PIBF1: variants seen among roughly 807,000 people sequenced by gnomAD.
PIBF1 encodes the protein progesterone immunomodulatory binding factor 1, also known as progesterone-induced-blocking factor 1.
A neutral mutation model predicts 112.5 loss-of-function variants in PIBF1; 90 were observed. That is an observed-to-expected ratio of 0.80 (90% CI 0.67 to 0.95). PIBF1 has a LOEUF of 0.95. Among genes scored for constraint, PIBF1 ranks in the 40% least tolerant of loss-of-function variants. PIBF1 has a pLI of 0.00. For synonymous variants in PIBF1, 301 were observed against 288.6 expected (o/e 1.04, Z -0.44); for missense variants, 915 against 852.3 (o/e 1.07, Z -0.92).
intron 1 of PIBF1, among the ~76,000 whole-genome samples, chr13:72,782,748 A>T (rs544840747): frequency 1.4e-4 from 21 of 152,108 alleles, no homozygotes; most frequent in African/African-American, 4.8e-4. Context: ...TCATTCTGCT[A>T]TCTATAAAAA....
At chr13:72,790,419 C>T (rs926509438) in intron 2 of PIBF1, among the ~76,000 whole-genome samples, 3 of 64,994 alleles carry the variant, frequency 4.6e-5, no homozygotes, top group African/African-American at 1.1e-4. Flanking sequence ...AGGAGGAGTC[C>T]ATCACACACA....
Position 72,997,591 on chromosome 13 carries a change from A to G in PIBF1, c.2050-1231A>G, listed in dbSNP as rs2043720417. 2.0e-5 allele frequency among the ~76,000 whole-genome samples: 3 copies of G among 152,198 alleles called. 1 individual carries two copies. The highest frequency in any genetic ancestry group is 4.1e-4 in the South Asian group (2 of 4,830). Reference sequence around the variant, plus strand: ...GCTTTAAAATACTCACTCAAGTTAGATGGTTCTAAATAGAACTAATGACAG... The same window carrying G: ...GCTTTAAAATACTCACTCAAGTTAGGTGGTTCTAAATAGAACTAATGACAG... On this transcript the variant is annotated intron_variant, in intron 16 of 17. Coordinates refer to ENST00000326291, the MANE Select transcript of PIBF1 (RefSeq NM_006346.4).
intron 10 of PIBF1, among the ~76,000 whole-genome samples, chr13:72,880,164 G>T (rs1204220823): frequency 6.6e-6 from 1 of 152,150 alleles, no homozygotes; most frequent in Non-Finnish European, 1.5e-5. Context: ...CATCTCTTTA[G>T]CAGGGTAGGA....
At position 72,980,501 on chromosome 13, in the gene PIBF1, TA is replaced by T. The variant is rs1381189377; in HGVS notation, c.2049+6828del. ...TTAAAAAAGAGTCATTTGGATTTAATAAGATGCTAAAGGGCCGGCACGGTGG... is the reference window on the plus strand; with the variant it reads ...TTAAAAAAGAGTCATTTGGATTTAATAGATGCTAAAGGGCCGGCACGGTGG... On this transcript the variant is annotated intron_variant, in intron 16 of 17. Coordinates refer to ENST00000326291, the MANE Select transcript of PIBF1 (RefSeq NM_006346.4). Among the ~76,000 whole-genome samples, 3 of 152,122 alleles carry T rather than the reference TA, an allele frequency of 2.0e-5. No individual in the cohort carries two copies. In the South Asian group the frequency reaches 6.2e-4, roughly 32 times the overall value.
At chr13:72,978,668 A>G (rs1335776296) in intron 16 of PIBF1, among the ~76,000 whole-genome samples, 1 of 152,114 alleles carries the variant, frequency 6.6e-6, no homozygotes, top group Non-Finnish European at 1.5e-5. Flanking sequence ...CACTTTTGAT[A>G]CCTCAGAATA....
intron 5 of PIBF1, among the ~76,000 whole-genome samples, chr13:72,812,189 G>A (rs1336875381): frequency 1.3e-5 from 2 of 152,096 alleles, no homozygotes; most frequent in Non-Finnish European, 2.9e-5. Context: ...TGATAACTTC[G>A]TTCTCTTGAT....
At chr13:72,973,798 C>T (rs1477951260) in intron 16 of PIBF1, 123 bp downstream of exon 16, 2 of 584,032 alleles carry the variant, frequency 3.4e-6, no homozygotes, top group Non-Finnish European at 6.1e-6. Flanking sequence ...TTATGTCTCA[C>T]TGTAATTTTG....
intron 10 of PIBF1, among the ~76,000 whole-genome samples, chr13:72,879,899 C>T (rs2039552367): frequency 1.3e-5 from 2 of 152,176 alleles, no homozygotes; most frequent in African/African-American, 4.8e-5. Flanking sequence ...CATTTGTTTA[C>T]ATATTGTCTA....
chr13:72,951,167 C>T (rs999497012), intron 14 of PIBF1, among the ~76,000 whole-genome samples: 8 of 152,292 alleles, frequency 5.3e-5, no homozygotes, highest in Middle Eastern at 3.4e-3. Flanking sequence ...TGCACACATG[C>T]GTGTGCCTTT....
intron 5 of PIBF1, among the ~76,000 whole-genome samples, chr13:72,807,747 C>G (rs1328543527): frequency 6.6e-6 from 1 of 152,148 alleles, no homozygotes; most frequent in Admixed American, 6.5e-5. Flanking sequence ...TTTTTAATAA[C>G]TATCAATCAG....
chr13:72,859,560 C>A (rs2038600755), intron 10 of PIBF1, among the ~76,000 whole-genome samples: 1 of 151,996 alleles, frequency 6.6e-6, no homozygotes. Flanking sequence ...AAAACAATAA[C>A]AACAAATTAA....
chr13:72,896,625 T>G (rs2138588021), intron 11 of PIBF1, among the ~76,000 whole-genome samples: 1 of 152,288 alleles, frequency 6.6e-6, no homozygotes, highest in East Asian at 1.9e-4. Context: ...CAGTGAACTT[T>G]GGACATGCTT....
intron 11 of PIBF1, among the ~76,000 whole-genome samples, chr13:72,905,475 A>C (rs1280000771): frequency 6.6e-6 from 1 of 152,206 alleles, no homozygotes; most frequent in Non-Finnish European, 1.5e-5. Context: ...AAAGGGCCTC[A>C]GAAAATAAAG....
At chr13:72,809,528 T>G (rs2035900114) in intron 5 of PIBF1, among the ~76,000 whole-genome samples, 1 of 151,856 alleles carries the variant, frequency 6.6e-6, no homozygotes, top group African/African-American at 2.4e-5. Flanking sequence ...TTAATTTGAC[T>G]CTGCTTTTGT....
At chr13:72,847,399 T>A (rs2037923624) in intron 9 of PIBF1, among the ~76,000 whole-genome samples, 1 of 152,174 alleles carries the variant, frequency 6.6e-6, no homozygotes, top group African/African-American at 2.4e-5. Context: ...CGTACTGGCA[T>A]CTGGCAAGAG....
intron 14 of PIBF1, among the ~76,000 whole-genome samples, chr13:72,932,491 G>A (rs529273373): frequency 6.6e-6 from 1 of 152,266 alleles, no homozygotes; most frequent in East Asian, 1.9e-4. Flanking sequence ...GGTTGACACA[G>A]TGGTGTGTTG....
At chr13:72,815,020 GA>G (rs1422714173) in intron 5 of PIBF1, among the ~76,000 whole-genome samples, 13 of 152,212 alleles carry the variant, frequency 8.5e-5, no homozygotes, top group African/African-American at 3.1e-4. Context: ...CAGGTTCACA[GA>G]TAGATTACTG....
chr13:73,014,108 G>A (rs950746937), intron 17 of PIBF1, among the ~76,000 whole-genome samples: 2 of 147,306 alleles, frequency 1.4e-5, no homozygotes, highest in African/African-American at 5.1e-5. Context: ...CTAGTAGCTG[G>A]GACTACAGGC....
intron 17 of PIBF1, among the ~76,000 whole-genome samples, chr13:73,002,192 A>G (rs2043891984): frequency 6.6e-6 from 1 of 152,196 alleles, no homozygotes; most frequent in Non-Finnish European, 1.5e-5. Context: ...TATTTGCTGA[A>G]GAGAAAAAAA....
Sources: allele counts gnomAD v4.1 joint callset (sites outside exome capture counted in the v4.1 genomes callset), GRCh38; gene constraint gnomAD v4.1.1; transcripts MANE v1.5; gene names NCBI Gene and HGNC (gene_info 2026-07-23, HGNC 2026-07-21).